The following CDH23 variants were observed in gnomAD, a reference collection of about 807,000 sequenced individuals.
CDH23 encodes cadherin related 23.
CDH23 carries 189 observed loss-of-function variants against 317.1 expected under a neutral mutation model. That is an observed-to-expected ratio of 0.60 (90% CI 0.53 to 0.67). The LOEUF (loss-of-function observed/expected upper bound fraction) is 0.67. CDH23 is among the 30% of genes least tolerant of loss of function. The pLI is 0.00. For missense variants in CDH23, 4,401 were observed against 4,592.4 expected, an observed-to-expected ratio of 0.96 and a Z score of 1.20; for synonymous variants, 1,839 against 1,876.8, an observed-to-expected ratio of 0.98 and a Z score of 0.52.
At chr10:71,493,134 A>C (rs1852759585) in intron 3 of CDH23, among the ~76,000 whole-genome samples, 1 of 152,162 alleles carries the variant, frequency 6.6e-6, no homozygotes. Flanking sequence ...GGTTGTTGGC[A>C]GGGGAATCCC....
intron 6 of CDH23, among the ~76,000 whole-genome samples, chr10:71,514,651 C>T (rs775154273): frequency 2.0e-5 from 3 of 152,194 alleles, no homozygotes; most frequent in Non-Finnish European, 2.9e-5. Flanking sequence ...CACCCCACTC[C>T]CCTCACTAAG....
intron 1 of CDH23, among the ~76,000 whole-genome samples, chr10:71,430,637 G>A (rs956085735): frequency 2.0e-5 from 3 of 152,106 alleles, no homozygotes; most frequent in East Asian, 1.9e-4. Context: ...ATGAAATCCC[G>A]TCTCTACTAA....
rs778939700 is a variant in CDH23, at chr10:71,702,717, C to T, written c.2733+23C>T. On this transcript the variant is annotated intron_variant, in intron 24 of 69. Coordinates refer to ENST00000224721, the MANE Select transcript of CDH23 (RefSeq NM_022124.6). ...CAAGTGAGTCTCTATCATCTCATTC[C>T]TACCAGCCCAGAGGTGGGCAGTGGG... The T allele has an allele frequency of 1.4e-5, 22 of 1,613,146 alleles. No homozygotes were observed. The South Asian group carries it at 2.0e-4, about 14-fold the overall frequency.
intron 6 of CDH23, among the ~76,000 whole-genome samples, chr10:71,547,096 C>T (rs1279456540): frequency 6.6e-6 from 1 of 152,198 alleles, no homozygotes; most frequent in Non-Finnish European, 1.5e-5. Flanking sequence ...GGCATGGACC[C>T]ACCCCAAGGA....
At chr10:71,441,329 G>A (rs61853192) in intron 2 of CDH23, among the ~76,000 whole-genome samples, 9 of 152,158 alleles carry the variant, frequency 5.9e-5, no homozygotes, top group South Asian at 2.1e-4. Context: ...CACGGTGGGA[G>A]TCAGGACACT....
At chr10:71,514,303 T>A (rs1854155083) in intron 6 of CDH23, among the ~76,000 whole-genome samples, 2 of 152,168 alleles carry the variant, frequency 1.3e-5, no homozygotes. Context: ...GAAGCTGCAT[T>A]TTTTACAAAC....
intron 66 of CDH23, 78 bp downstream of exon 66, chr10:71,812,093 C>T: frequency 6.2e-7 from 1 of 1,610,754 alleles, no homozygotes; most frequent in Admixed American, 1.7e-5. Context: ...TGCAGTCTCC[C>T]AGCGCTGGGG....
chr10:71,527,306 C>T (rs910313307), intron 6 of CDH23, among the ~76,000 whole-genome samples: 6 of 152,252 alleles, frequency 3.9e-5, no homozygotes, highest in African/African-American at 1.4e-4. Flanking sequence ...GGTCAGTGCC[C>T]CCAAGTGCTA....
At chr10:71,571,524 G>T (rs1218764309) in intron 8 of CDH23, among the ~76,000 whole-genome samples, 2 of 152,212 alleles carry the variant, frequency 1.3e-5, no homozygotes, top group Admixed American at 6.5e-5. Flanking sequence ...CTACCCATGG[G>T]TGTCTTAGAG....
At chr10:71,727,224 T>A (rs1158300831) in intron 30 of CDH23, among the ~76,000 whole-genome samples, 2 of 152,162 alleles carry the variant, frequency 1.3e-5, no homozygotes, top group Admixed American at 1.3e-4. Flanking sequence ...TTGTTCAGGG[T>A]CACACAGCGG....
intron 6 of CDH23, among the ~76,000 whole-genome samples, chr10:71,538,393 A>G (rs1855817035): frequency 6.6e-6 from 1 of 152,136 alleles, no homozygotes; most frequent in Non-Finnish European, 1.5e-5. Flanking sequence ...TCAGAATTGG[A>G]AGGGACCTTC....
chr10:71,398,383 C>T (rs569317563), intron 1 of CDH23, among the ~76,000 whole-genome samples: 3 of 151,962 alleles, frequency 2.0e-5, no homozygotes, highest in African/African-American at 7.2e-5. Flanking sequence ...TTGGGAAGTG[C>T]CCCAACCCTA....
intron 6 of CDH23, among the ~76,000 whole-genome samples, chr10:71,521,616 C>T (rs1854687883): frequency 6.6e-6 from 1 of 152,236 alleles, no homozygotes; most frequent in Admixed American, 6.5e-5. Flanking sequence ...CTGACACTTC[C>T]TTCCTCAGAA....
chr10:71,761,631 C>A (rs1417082143), intron 38 of CDH23: 2 of 1,608,602 alleles, frequency 1.2e-6, no homozygotes, highest in African/African-American at 1.3e-5. Flanking sequence ...GCACCATGGA[C>A]CCTGTGCTCC....
chr10:71,724,121 C>T lies in CDH23; in HGVS notation c.3430+16C>T, dbSNP rs1564758785. On this transcript the variant is annotated intron_variant, in intron 29 of 69. Transcript: ENST00000224721. ...ATCCTCCATGGTAAGTGGGGCTGCC[C>T]TAGGATGGGGGGCGGTCCTCCTGCC... 6.4e-7 allele frequency: 1 copy of T among 1,553,954 alleles called. No individual in the cohort carries two copies. Among genetic ancestry groups the T allele is most frequent in the Non-Finnish European group, 8.7e-7 (1 of 1,148,236 alleles).
chr10:71,635,200 A>G (rs1862204603), intron 11 of CDH23: 1 of 152,802 alleles, frequency 6.5e-6, no homozygotes, highest in South Asian at 2.1e-4. Flanking sequence ...CATTTGCCTT[A>G]ATGCAAGTAC....
At chr10:71,666,886 T>C (rs1056052727) in intron 14 of CDH23, among the ~76,000 whole-genome samples, 4 of 152,162 alleles carry the variant, frequency 2.6e-5, no homozygotes, top group African/African-American at 9.7e-5. Flanking sequence ...GCTCAGTGAA[T>C]GATGAATGAG....
chr10:71,640,693 G>T (rs2132579123), intron 11 of CDH23, among the ~76,000 whole-genome samples: 1 of 152,286 alleles, frequency 6.6e-6, no homozygotes, highest in African/African-American at 2.4e-5. Flanking sequence ...GGCAGAGGTT[G>T]CAGTGAGCTG....
At position 71,815,193 on chromosome 10, in the gene CDH23, C is replaced by A; in HGVS notation, c.9980C>A (p.Ala3327Asp). ...AAEATAFERNARTESAKSTPL... is the reference protein window; with the variant it reads ...AAEATAFERNDRTESAKSTPL... ...GAGGCCACTGCCTTCGAGCGCAACGCCCGCACAGAATCCGCCAAATCCACA... is the reference window on the plus strand; with the variant it reads ...GAGGCCACTGCCTTCGAGCGCAACGACCGCACAGAATCCGCCAAATCCACA... The change falls in exon 70 of 70, where the codon GCC (alanine) becomes GAC (aspartate). Residue 3327 changes from alanine (A) to aspartate (D), a missense_variant. Transcript: ENST00000224721. 6.2e-7 allele frequency: 1 copy of A among 1,608,576 alleles called. No homozygotes were observed. Among genetic ancestry groups the A allele is most frequent in the South Asian group, 1.1e-5 (1 of 90,872 alleles).
Sources: gnomAD v4.1 joint callset for allele counts (sites outside exome capture counted in the v4.1 genomes callset) on GRCh38, gnomAD v4.1.1 for gene constraint, MANE v1.5 for transcripts, NCBI Gene and HGNC (gene_info 2026-07-23, HGNC 2026-07-21) for gene names.